Variants in RPL13A observed in about 807,000 individuals in gnomAD.
The protein encoded by RPL13A is large ribosomal subunit protein uL13.
RPL13A carries 4 observed loss-of-function variants against 30.8 expected under a neutral mutation model. That is an observed-to-expected ratio of 0.13 (90% CI 0.06 to 0.30). The LOEUF is 0.30. Among genes scored for constraint, RPL13A ranks in the 10% least tolerant of loss-of-function variants. The probability of loss-of-function intolerance (pLI) is 1.00; values close to 1 mark genes in which losing one functional copy is unlikely to be tolerated. For missense variants in RPL13A, 196 were observed against 272.6 expected (o/e 0.72, Z 1.98); for synonymous variants, 108 against 104.2 (o/e 1.04, Z -0.22).
chr19:49,491,210 A>C, intron 6 of RPL13A, 111 bp downstream of exon 6: 2 of 1,376,708 alleles, frequency 1.5e-6, no homozygotes, highest in Non-Finnish European at 2.1e-6. Flanking sequence ...TGGTCTGCGG[A>C]TGTCCCTGTG....
chr19:49,491,113 T>C lies in RPL13A; in HGVS notation c.402+14T>C. The C allele has an allele frequency of 6.2e-7, 1 of 1,614,042 alleles. No individual in the cohort carries two copies. The highest frequency in any genetic ancestry group is 8.5e-7 in the Non-Finnish European group (1 of 1,179,984). ...CCTACAAGAAAGGTGAGTCCCAGCT[T>C]ACGCTGCACCATCTACTTGGGAGAT... On this transcript the variant is annotated intron_variant, in intron 6 of 7. Coordinates refer to ENST00000391857, the MANE Select transcript of RPL13A (RefSeq NM_012423.4).
intron 1 of RPL13A, 121 bp downstream of exon 1, chr19:49,487,765 G>C (rs546308954): frequency 9.3e-7 from 1 of 1,078,108 alleles, no homozygotes. Context: ...AAGCAAAATG[G>C]AAGTCTTTTG....
chr19:49,489,422 T>G (rs1176606008), intron 1 of RPL13A, among the ~76,000 whole-genome samples: 1 of 152,008 alleles, frequency 6.6e-6, no homozygotes, highest in African/African-American at 2.4e-5. Context: ...GATAGCTTGA[T>G]CCTGGGAGGT....
At chr19:49,487,750 T>C (rs982085464) in intron 1 of RPL13A, 106 bp downstream of exon 1, 2 of 1,203,080 alleles carry the variant, frequency 1.7e-6, no homozygotes, top group Non-Finnish European at 2.2e-6. Flanking sequence ...TTAACATCCA[T>C]AATGAAGCAA....
chr19:49,490,318 A>C lies in RPL13A; in HGVS notation c.154+21A>C, dbSNP rs749866995. The C allele has an allele frequency of 3.1e-6, 5 of 1,611,754 alleles. No homozygotes were observed. In the Admixed American group the frequency reaches 8.3e-5, roughly 27 times the overall value. ...CAAGTGTAAGTTAGGACCTGGGAGG[A>C]GCACTGGAGAGGGTCTCCCTGTGGG... On this transcript the variant is annotated intron_variant, in intron 3 of 7. Coordinates refer to ENST00000391857, the MANE Select transcript of RPL13A (RefSeq NM_012423.4).
intron 1 of RPL13A, 37 bp downstream of exon 1, chr19:49,487,681 G>T: frequency 6.6e-7 from 1 of 1,504,750 alleles, no homozygotes; most frequent in Admixed American, 2.4e-5. Context: ...GCAAGGGGCC[G>T]GGTGGGATCC....
intron 5 of RPL13A, 77 bp from the exon 6 acceptor site, chr19:49,490,963 G>T: frequency 6.2e-7 from 1 of 1,605,784 alleles, no homozygotes; most frequent in Non-Finnish European, 8.5e-7. Context: ...AGCAGCACTG[G>T]CTGAGACGCC....
intron 2 of RPL13A, 151 bp from the exon 3 acceptor site, chr19:49,490,081 G>A (rs747814915): frequency 1.9e-6 from 2 of 1,031,614 alleles, no homozygotes; most frequent in East Asian, 4.7e-5. Context: ...GGGGACTCCA[G>A]GCTCAAGAAG....
rs781222534 is a variant in RPL13A at position 49,489,869 on chromosome 19, G to A, written c.35G>A (p.Arg12Gln). The change falls in exon 2 of 8, where the codon CGA (arginine) becomes CAA (glutamine). Residue 12 changes from arginine to glutamine, a missense_variant. By Grantham distance (43) the Arg-to-Gln change is conservative (BLOSUM62 1). Coordinates refer to ENST00000391857, the MANE Select transcript of RPL13A (RefSeq NM_012423.4). ...AEVQVLVLDGRGHLLGRLAAI... is the reference protein window; with the variant it reads ...AEVQVLVLDGQGHLLGRLAAI... Reference sequence around the variant, plus strand: ...CCACAGGTCCTGGTGCTTGATGGTCGAGGCCATCTCCTGGGCCGCCTGGCG... The same window carrying A: ...CCACAGGTCCTGGTGCTTGATGGTCAAGGCCATCTCCTGGGCCGCCTGGCG... 3.1e-6 allele frequency: 5 copies of A among 1,613,956 alleles called. No individual in the cohort carries two copies. The highest frequency in any genetic ancestry group is 3.4e-6 in the Non-Finnish European group (4 of 1,179,888).
At chr19:49,489,190 A>G (rs2079839844) in intron 1 of RPL13A, among the ~76,000 whole-genome samples, 1 of 152,246 alleles carries the variant, frequency 6.6e-6, no homozygotes, top group African/African-American at 2.4e-5. Context: ...GAAGAGAATT[A>G]GATTGTGTTA....
At chr19:49,490,929 C>T (rs1333208280) in intron 5 of RPL13A, 65 bp downstream of exon 5, 6 of 1,604,658 alleles carry the variant, frequency 3.7e-6, no homozygotes, top group South Asian at 2.2e-5. Context: ...TCCGCAACTA[C>T]CTACATTGTT....
In RPL13A at chr19:49,491,995, G is replaced by A. The variant is rs748097744; in HGVS notation, c.*180G>A. 3.1e-5 allele frequency: 18 copies of A among 587,202 alleles called. No individual in the cohort carries two copies. The highest frequency in any genetic ancestry group is 4.3e-5 in the Non-Finnish European group (14 of 327,764). The allele number at this position is 587,202 out of a possible 1,614,324, so 36.4% of individuals were successfully genotyped here. ...CTCCCGAAGTTGCTTGAAAGCACTCGGAGAATTGTGCAGGTGTCATTTATC... is the reference window on the plus strand; with the variant it reads ...CTCCCGAAGTTGCTTGAAAGCACTCAGAGAATTGTGCAGGTGTCATTTATC... On this transcript the variant is annotated 3_prime_UTR_variant, in exon 8 of 8. Transcript: ENST00000391857.
intron 7 of RPL13A, 71 bp downstream of exon 7, chr19:49,491,618 G>T: frequency 6.4e-7 from 1 of 1,560,088 alleles, no homozygotes; most frequent in Non-Finnish European, 8.7e-7. Context: ...CTTGCTCACA[G>T]AGTACTCTTA....
chr19:49,487,626 G>C lies in RPL13A; in HGVS notation c.-4G>C, dbSNP rs1454407900. ...CCTCCTCCTTTTCCAAGCGGCTGCC[G>C]AAGATGGCGGAGGTGCAGGTATGGG... On this transcript the variant is annotated 5_prime_UTR_variant, in exon 1 of 8. Transcript: ENST00000391857. The C allele has an allele frequency of 2.5e-6, 4 of 1,575,138 alleles. No individual in the cohort carries two copies. Among genetic ancestry groups the C allele is most frequent in the Non-Finnish European group, 3.4e-6 (4 of 1,161,412 alleles).
intron 6 of RPL13A, 37 bp downstream of exon 6, chr19:49,491,136 G>A (rs374636284): frequency 2.5e-6 from 4 of 1,611,728 alleles, no homozygotes; most frequent in African/African-American, 2.7e-5. Flanking sequence ...CTACTTGGGA[G>A]ATTTCAGGCC....
Position 49,491,844 on chromosome 19 carries a change from C to G in RPL13A, c.*29C>G. The G allele has an allele frequency of 2.0e-6, 3 of 1,535,208 alleles. No homozygotes were observed. Among genetic ancestry groups the G allele is most frequent in the Non-Finnish European group, 2.7e-6 (3 of 1,123,652 alleles). ...CAATAAAGACTGTTAATTCCTCATG[C>G]GTTGCCTGCCCTTCCTCCATTGTTG... On this transcript the variant is annotated 3_prime_UTR_variant, in exon 8 of 8. Coordinates refer to ENST00000391857, the MANE Select transcript of RPL13A (RefSeq NM_012423.4).
chr19:49,490,869 G>A lies in RPL13A; in HGVS notation c.342+5G>A, dbSNP rs761915338. ...ATCCCACCGCCCTACGACAAGGTGAGCTATGCCAAACCCCACAGGCAGCGG... is the reference window on the plus strand; with the variant it reads ...ATCCCACCGCCCTACGACAAGGTGAACTATGCCAAACCCCACAGGCAGCGG... On this transcript the variant is annotated splice_donor_5th_base_variant and intron_variant, in intron 5 of 7. Transcript: ENST00000391857. The A allele has an allele frequency of 6.2e-6, 10 of 1,614,042 alleles. No individual in the cohort carries two copies. The East Asian group carries it at 1.1e-4, about 18-fold the overall frequency.
chr19:49,488,270 G>A (rs1457199260), intron 1 of RPL13A, among the ~76,000 whole-genome samples: 1 of 152,164 alleles, frequency 6.6e-6, no homozygotes, highest in Admixed American at 6.6e-5. Flanking sequence ...CGAGAGCTGT[G>A]ATGAATGGTT....
chr19:49,488,380 G>A (rs999024133), intron 1 of RPL13A, among the ~76,000 whole-genome samples: 3 of 152,216 alleles, frequency 2.0e-5, no homozygotes, highest in Admixed American at 6.5e-5. Flanking sequence ...GCCCTGGAAA[G>A]GTTTCTTTGT....
Sources: allele counts gnomAD v4.1 joint callset (sites outside exome capture counted in the v4.1 genomes callset), GRCh38; gene constraint gnomAD v4.1.1; transcripts MANE v1.5; gene names NCBI Gene and HGNC (gene_info 2026-07-23, HGNC 2026-07-21).